ZBTB46: variants seen among roughly 807,000 people sequenced by gnomAD.
ZBTB46 encodes zinc finger and BTB domain containing 46.
ZBTB46 carries 8 observed loss-of-function variants against 44.1 expected under a neutral mutation model. The ratio of observed to expected loss-of-function variants is 0.18; its 90% confidence interval spans 0.11 to 0.33. The LOEUF (loss-of-function observed/expected upper bound fraction) is 0.33. Among genes scored for constraint, ZBTB46 ranks in the 10% least tolerant of loss-of-function variants. The pLI, the probability that ZBTB46 is intolerant of heterozygous loss-of-function variation, is 1.00. For synonymous variants in ZBTB46, 409 were observed against 382.3 expected, an observed-to-expected ratio of 1.07 and a Z score of -0.81; for missense variants, 651 against 847.7, an observed-to-expected ratio of 0.77 and a Z score of 2.88.
chr20:63,815,547 AGGTGCAGTG>A (rs2092745972), intron 1 of ZBTB46, among the ~76,000 whole-genome samples: 1 of 100,518 alleles, frequency 9.9e-6, no homozygotes, highest in Non-Finnish European at 1.9e-5. Flanking sequence ...CAGTGGGTGC[AGGTGCAGTG>A]GGTGCAGATG....
chr20:63,826,025 C>A (rs889351761), intron 1 of ZBTB46, among the ~76,000 whole-genome samples: 1 of 152,342 alleles, frequency 6.6e-6, no homozygotes, highest in South Asian at 2.1e-4. Flanking sequence ...GCCCTCTGCA[C>A]GTAGCCCAAG....
chr20:63,782,859 A>C lies in ZBTB46; in HGVS notation c.938-6897T>G, dbSNP rs138087927. ...GGCTCACACCTGTGATCCCAGCACC[A>C]TGGGAGGCCCAGGCGGGAGGATCGC... On this transcript the variant is annotated intron_variant, in intron 2 of 4. Coordinates refer to ENST00000245663, the MANE Select transcript of ZBTB46 (RefSeq NM_001369741.1). 9.1e-3 allele frequency among the ~76,000 whole-genome samples: 1,390 copies of C among 152,328 alleles called. 5 individuals carry two copies. Among genetic ancestry groups the C allele is most frequent in the Non-Finnish European group, 0.015 (992 of 68,022 alleles).
At position 63,803,618 on chromosome 20, in the gene ZBTB46, GC is replaced by G; in HGVS notation, c.-33-12829del. The G allele has an allele frequency of 1.5e-6, 1 of 677,378 alleles. No homozygotes were observed. Among genetic ancestry groups the G allele is most frequent in the Non-Finnish European group, 1.8e-6 (1 of 549,290 alleles). The allele number at this position is 677,378 out of a possible 1,614,324, so 42.0% of individuals were successfully genotyped here. On this transcript the variant is annotated intron_variant, in intron 1 of 4. Coordinates refer to ENST00000245663, the MANE Select transcript of ZBTB46 (RefSeq NM_001369741.1). The surrounding 1 kb of genome is among the most constrained non-coding windows in gnomAD (Gnocchi z 4.0). Reference sequence around the variant, plus strand: ...GGCCCTGCCAGCCCCGCCCCTCCCTGCCCACTGGCCCCTTTCAGTTCCTTCA... The same window carrying G: ...GGCCCTGCCAGCCCCGCCCCTCCCTGCCACTGGCCCCTTTCAGTTCCTTCA...
chr20:63,775,611 C>G (rs557483535), intron 3 of ZBTB46, 67 bp downstream of exon 3: 2 of 1,504,044 alleles, frequency 1.3e-6, no homozygotes, highest in East Asian at 2.3e-5. Flanking sequence ...CATCTTGGCC[C>G]GGGACCTGCA....
At chr20:63,833,510 C>T (rs2092861404), upstream of ZBTB46, among the ~76,000 whole-genome samples, 1 of 152,104 alleles carries the variant, frequency 6.6e-6, no homozygotes, top group Non-Finnish European at 1.5e-5. Flanking sequence ...AGAATGGCGT[C>T]AACCCGGGAG....
chr20:63,809,835 C>T (rs546312640), intron 1 of ZBTB46, among the ~76,000 whole-genome samples: 10 of 151,982 alleles, frequency 6.6e-5, no homozygotes, highest in Non-Finnish European at 1.3e-4. Context: ...TGGTGGTGCA[C>T]ACCTGTAGTC....
intron 3 of ZBTB46, among the ~76,000 whole-genome samples, chr20:63,768,542 G>A (rs1273686818): frequency 2.0e-5 from 3 of 152,144 alleles, no homozygotes; most frequent in African/African-American, 7.2e-5. Context: ...CGAAGGTGGA[G>A]GTTGCAGTGA....
intron 1 of ZBTB46, among the ~76,000 whole-genome samples, chr20:63,800,547 GC>G (rs1319080161): frequency 1.3e-5 from 2 of 152,250 alleles, no homozygotes; most frequent in African/African-American, 4.8e-5. Flanking sequence ...CCCTCAGCTT[GC>G]GGGGAGGTGT....
intron 4 of ZBTB46, among the ~76,000 whole-genome samples, 157 bp from the exon 5 acceptor site, chr20:63,747,458 G>C (rs1265041338): frequency 2.0e-4 from 6 of 30,324 alleles, no homozygotes; most frequent in African/African-American, 6.9e-4. Context: ...TGGTGGAGGT[G>C]GGGGGGGCGG....
chr20:63,772,722 A>AACAC (rs67126549), intron 3 of ZBTB46, among the ~76,000 whole-genome samples: 2,572 of 20,146 alleles, frequency 0.13, 24 homozygotes, highest in Non-Finnish European at 0.17. Context: ...CTGTCTCAAA[A>AACAC]ACACACACAC....
chr20:63,817,610 G>T (rs2092766858), intron 1 of ZBTB46, among the ~76,000 whole-genome samples: 1 of 151,678 alleles, frequency 6.6e-6, no homozygotes, highest in Non-Finnish European at 1.5e-5. Flanking sequence ...CAGCTACTTG[G>T]AAGGCTGAGG....
intron 2 of ZBTB46, among the ~76,000 whole-genome samples, chr20:63,784,343 T>C (rs933712852): frequency 1.3e-5 from 2 of 152,204 alleles, no homozygotes; most frequent in Admixed American, 1.3e-4. Flanking sequence ...CAGGCAGTGC[T>C]AGGCACCCGA....
intron 4 of ZBTB46, among the ~76,000 whole-genome samples, chr20:63,751,140 G>T (rs1159116662): frequency 1.0e-5 from 1 of 95,832 alleles, no homozygotes; most frequent in Non-Finnish European, 2.2e-5. Flanking sequence ...CCCCGCCCCC[G>T]CGGCTTTTTA....
chr20:63,774,308 C>G (rs955020934), intron 3 of ZBTB46, among the ~76,000 whole-genome samples: 1 of 152,130 alleles, frequency 6.6e-6, no homozygotes, highest in Non-Finnish European at 1.5e-5. Context: ...CGCGAAAATT[C>G]GAAAGAATAT....
intron 2 of ZBTB46, among the ~76,000 whole-genome samples, chr20:63,783,119 G>C (rs1356357282): frequency 6.6e-6 from 1 of 151,424 alleles, no homozygotes; most frequent in Non-Finnish European, 1.5e-5. Flanking sequence ...AAGAGAGTGA[G>C]ACCTTGTCTT....
intron 1 of ZBTB46, among the ~76,000 whole-genome samples, chr20:63,797,889 G>A (rs922931474): frequency 5.9e-5 from 9 of 152,174 alleles, no homozygotes; most frequent in Admixed American, 5.2e-4. Context: ...GTTCTTTGTA[G>A]ATTCTGGATA....
chr20:63,777,562 C>G (rs2092435971), intron 2 of ZBTB46, among the ~76,000 whole-genome samples: 1 of 152,222 alleles, frequency 6.6e-6, no homozygotes, highest in Non-Finnish European at 1.5e-5. Flanking sequence ...ATGGTGCCCT[C>G]CTGCGGAGCA....
chr20:63,769,243 G>A, intron 3 of ZBTB46: 1 of 985,432 alleles, frequency 1.0e-6, no homozygotes. Context: ...CCACCCTGGT[G>A]TCTTACCTGA....
At chr20:63,793,687 C>T (rs532932271) in intron 1 of ZBTB46, among the ~76,000 whole-genome samples, 15 of 152,296 alleles carry the variant, frequency 9.8e-5, no homozygotes, top group Non-Finnish European at 2.1e-4. Context: ...TACCTCACAA[C>T]GGTCCACACC....
Sources: gnomAD v4.1 joint callset for allele counts (sites outside exome capture counted in the v4.1 genomes callset) on GRCh38, gnomAD v4.1.1 for gene constraint, Gnocchi (gnomAD v3.1) non-coding constraint, MANE v1.5 for transcripts, NCBI Gene and HGNC (gene_info 2026-07-23, HGNC 2026-07-21) for gene names.